The following TRAPPC8 variants were observed in gnomAD, a reference collection of about 807,000 sequenced individuals.
The protein encoded by TRAPPC8 is general sporulation gene 1 homolog.
In TRAPPC8, 54 loss-of-function variants were observed where a neutral mutation model predicts 174.3. The ratio of observed to expected loss-of-function variants is 0.31; its 90% CI spans 0.25 to 0.39. The LOEUF (loss-of-function observed/expected upper bound fraction) is 0.39, where lower values mean the gene tolerates loss of function less well. TRAPPC8 is among the 10% of genes least tolerant of loss of function. The pLI, the probability that TRAPPC8 is intolerant of heterozygous loss-of-function variation, is 1.00. For synonymous variants in TRAPPC8, 630 were observed against 579.9 expected, an observed-to-expected ratio of 1.09 and a Z score of -1.24; for missense variants, 1,531 against 1,699.1, an observed-to-expected ratio of 0.90 and a Z score of 1.74.
intron 16 of TRAPPC8, among the ~76,000 whole-genome samples, chr18:31,868,503 T>C (rs760645556): frequency 2.6e-5 from 4 of 152,112 alleles, no homozygotes; most frequent in Non-Finnish European, 4.4e-5. Flanking sequence ...CGTTTCCAAG[T>C]TTAACCGCTC....
chr18:31,932,283 TG>T (rs930314242), intron 1 of TRAPPC8, among the ~76,000 whole-genome samples: 1 of 151,716 alleles, frequency 6.6e-6, no homozygotes, highest in Non-Finnish European at 1.5e-5. Flanking sequence ...AAAAATTAGC[TG>T]GGTATGGTGG....
Position 31,895,855 on chromosome 18 carries a change from G to A in TRAPPC8, c.1596+1931C>T, listed in dbSNP as rs572520020. ...TTCATATTTATTAGTCAGTGTCCAT[G>A]CAATAACAATTATTAAACATTTTAA... On this transcript the variant is annotated intron_variant, in intron 11 of 28. Transcript: ENST00000283351. 5.3e-4 allele frequency: 81 copies of A among 152,272 alleles called. 1 individual carries two copies. Among genetic ancestry groups the A allele is most frequent in the African/African-American group, 1.7e-3 (70 of 41,556 alleles). The allele number at this position is 152,272 out of a possible 1,614,324, so 9.4% of individuals were successfully genotyped here. A position where few individuals can be genotyped will look rare whatever the true frequency, so the allele number is the denominator to read the frequency against.
At position 31,855,719 on chromosome 18, in the gene TRAPPC8, T is replaced by G; in HGVS notation, c.3277A>C (p.Asn1093His). 6.2e-7 allele frequency: 1 copy of G among 1,611,918 alleles called. No individual in the cohort carries two copies. The highest frequency in any genetic ancestry group is 8.5e-7 in the Non-Finnish European group (1 of 1,179,554). The change falls in exon 21 of 29, where the codon AAT (asparagine) becomes CAT (histidine). Residue 1093 changes from asparagine to histidine, a missense_variant. Asn to His is a moderately conservative substitution (Grantham distance 68, BLOSUM62 1). Coordinates refer to ENST00000283351, the MANE Select transcript of TRAPPC8 (RefSeq NM_014939.5). ...ATATTGCCTCCTCTGCCTTCTTCAT[T>G]TTCAAGAGAATTACTTCTGCAGACA... ...ATVCRSNSLE[N>H]EEGRGGNMLV...
rs371424565 is a variant in TRAPPC8 at position 31,867,420 on chromosome 18, A to G, written c.2445T>C (p.Asn815=). 10 of 1,608,864 alleles carry G rather than the reference A, an allele frequency of 6.2e-6. No homozygotes were observed. The African/African-American group carries it at 6.7e-5, about 11-fold the overall frequency. ...GAEVISEFLI[N]GEESKVARLK... ...TAATTACCACTTTTGATTCTTCGCC[A>G]TTAATTAAGAACTCTGAAATAACTT... The change falls in exon 17 of 29, where the codon AAT becomes AAC. Residue 815 remains asparagine, a synonymous_variant. Coordinates refer to ENST00000283351, the MANE Select transcript of TRAPPC8 (RefSeq NM_014939.5).
chr18:31,937,132 T>A (rs1173966151), intron 1 of TRAPPC8, among the ~76,000 whole-genome samples: 13 of 151,834 alleles, frequency 8.6e-5, no homozygotes, highest in African/African-American at 2.4e-5. Flanking sequence ...GAGAATGGAG[T>A]GAACCCAGGA....
In TRAPPC8 at chr18:31,890,678, A is replaced by T. The variant is rs1598682564; in HGVS notation, c.1728+57T>A. The T allele has an allele frequency of 2.6e-6, 4 of 1,552,060 alleles. No individual in the cohort carries two copies. The East Asian group carries it at 9.3e-5, about 36-fold the overall frequency. ...CTTTTTAAATAATAAAAATGGACAA[A>T]TGACACACATTTATAAAATAAATAG... On this transcript the variant is annotated intron_variant, in intron 12 of 28. Coordinates refer to ENST00000283351, the MANE Select transcript of TRAPPC8 (RefSeq NM_014939.5).
At chr18:31,936,379 G>A (rs953784338) in intron 1 of TRAPPC8, among the ~76,000 whole-genome samples, 5 of 151,940 alleles carry the variant, frequency 3.3e-5, no homozygotes, top group Non-Finnish European at 7.4e-5. Flanking sequence ...TGGAATGATC[G>A]CTTGAGCCCA....
rs2032237182 is a variant in TRAPPC8 at position 31,829,473 on chromosome 18, G to T, written c.*1282C>A. Reference sequence around the variant, plus strand: ...CCCACACCTGCTAAGACACAGAGTGGAAGGAGCTGAAAAGCCAGAGACCCA... The same window carrying T: ...CCCACACCTGCTAAGACACAGAGTGTAAGGAGCTGAAAAGCCAGAGACCCA... On this transcript the variant is annotated 3_prime_UTR_variant, in exon 29 of 29. Coordinates refer to ENST00000283351, the MANE Select transcript of TRAPPC8 (RefSeq NM_014939.5). 6.6e-6 allele frequency: 1 copy of T among 152,172 alleles called. No homozygotes were observed. Among genetic ancestry groups the T allele is most frequent in the African/African-American group, 2.4e-5 (1 of 41,406 alleles). The allele number at this position is 152,172 out of a possible 1,614,324, so 9.4% of individuals were successfully genotyped here.
intron 19 of TRAPPC8, among the ~76,000 whole-genome samples, chr18:31,863,478 T>C (rs2034434070): frequency 6.6e-6 from 1 of 152,164 alleles, no homozygotes; most frequent in African/African-American, 2.4e-5. Flanking sequence ...GAAAATATAT[T>C]ACAGTATATC....
At chr18:31,927,883 G>C (rs2037685756) in intron 2 of TRAPPC8, among the ~76,000 whole-genome samples, 2 of 152,250 alleles carry the variant, frequency 1.3e-5, no homozygotes, top group East Asian at 1.9e-4. Flanking sequence ...GAGTGGACCT[G>C]GTCACTCATG....
Position 31,942,986 on chromosome 18 carries a change from C to G in TRAPPC8, c.-222G>C. 1 of 945,180 alleles carries G rather than the reference C, an allele frequency of 1.1e-6. No homozygotes were observed. Among genetic ancestry groups the G allele is most frequent in the East Asian group, 3.3e-5 (1 of 30,366 alleles). The allele number at this position is 945,180 out of a possible 1,614,324, so 58.5% of individuals were successfully genotyped here. On this transcript the variant is annotated 5_prime_UTR_variant, in exon 1 of 29. Coordinates refer to ENST00000283351, the MANE Select transcript of TRAPPC8 (RefSeq NM_014939.5). ...CCCGTCACCGCCGCTTCTCAGCGCT[C>G]GTCCCCGCGTGCTCGCATTCCACCC...
At chr18:31,888,218 A>G (rs115737685) in intron 12 of TRAPPC8, among the ~76,000 whole-genome samples, 1 of 152,210 alleles carries the variant, frequency 6.6e-6, no homozygotes. Flanking sequence ...ATACCATTTC[A>G]TGGCAGTCAG....
At position 31,885,165 on chromosome 18, in the gene TRAPPC8, G is replaced by A. The variant is rs116546957; in HGVS notation, c.1728+5570C>T. On this transcript the variant is annotated intron_variant, in intron 12 of 28. Coordinates refer to ENST00000283351, the MANE Select transcript of TRAPPC8 (RefSeq NM_014939.5). ...AGCCACCGTACCCAGCCAAAATTAA[G>A]TTTTTTTAAAAAAGAAATACTTTAT... Among the ~76,000 whole-genome samples the A allele has an allele frequency of 4.6e-3, 701 of 152,130 alleles. 2 individuals carry two copies. The highest frequency in any genetic ancestry group is 0.016 in the African/African-American group (657 of 41,536).
At chr18:31,853,816 A>C (rs1442227054) in intron 22 of TRAPPC8, 33 bp downstream of exon 22, 1 of 1,534,846 alleles carries the variant, frequency 6.5e-7, no homozygotes, top group East Asian at 2.3e-5. Flanking sequence ...TGAAGTTTCA[A>C]AATTTATTAT....
chr18:31,925,687 C>A (rs966552015), intron 2 of TRAPPC8, among the ~76,000 whole-genome samples: 2 of 152,108 alleles, frequency 1.3e-5, no homozygotes, highest in East Asian at 1.9e-4. Flanking sequence ...GAGTTATAAA[C>A]CCCAACGTGA....
chr18:31,893,542 TGTGA>T (rs1480072849), intron 11 of TRAPPC8, among the ~76,000 whole-genome samples: 3 of 152,348 alleles, frequency 2.0e-5, no homozygotes, highest in Non-Finnish European at 4.4e-5. Flanking sequence ...AATACCATTT[TGTGA>T]GTAAGTTAAC....
intron 12 of TRAPPC8, 72 bp downstream of exon 12, chr18:31,890,663 A>T: frequency 6.6e-7 from 1 of 1,518,146 alleles, no homozygotes; most frequent in Non-Finnish European, 8.9e-7. Context: ...CTTTTTAAAT[A>T]ATAAAAATGG....
At position 31,857,720 on chromosome 18, in the gene TRAPPC8, T is replaced by C; in HGVS notation, c.3008A>G (p.Asp1003Gly). ...TALISSASSV[D>G]FGIGTGSQPE... Reference sequence around the variant, plus strand: ...TTGACTTCCTGTGCCAATGCCAAAGTCTACAGAAGAAGCTGATGATATGAG... The same window carrying C: ...TTGACTTCCTGTGCCAATGCCAAAGCCTACAGAAGAAGCTGATGATATGAG... The change falls in exon 20 of 29, where the codon GAC (aspartate) becomes GGC (glycine). Residue 1003 changes from aspartate to glycine, a missense_variant. By Grantham distance (94) the Asp-to-Gly change is moderately conservative. Coordinates refer to ENST00000283351, the MANE Select transcript of TRAPPC8 (RefSeq NM_014939.5). The C allele has an allele frequency of 6.2e-7, 1 of 1,614,124 alleles. No homozygotes were observed. The highest frequency in any genetic ancestry group is 8.5e-7 in the Non-Finnish European group (1 of 1,180,016).
At chr18:31,908,470 C>A in intron 7 of TRAPPC8, 52 bp from the exon 8 acceptor site, 1 of 1,266,286 alleles carries the variant, frequency 7.9e-7, no homozygotes, top group Non-Finnish European at 1.1e-6. Context: ...AGTATTTTTC[C>A]TTTACATAAA....
Sources: gnomAD v4.1 joint callset for allele counts (sites outside exome capture counted in the v4.1 genomes callset) on GRCh38, gnomAD v4.1.1 for gene constraint, MANE v1.5 for transcripts, NCBI Gene and HGNC (gene_info 2026-07-23, HGNC 2026-07-21) for gene names.